GAREM1: variants seen among roughly 807,000 people sequenced by gnomAD.
The protein encoded by GAREM1 is GRB2 associated regulator of MAPK1 subtype 1.
In GAREM1, 26 loss-of-function variants were observed where a neutral mutation model predicts 71.3. That is an observed-to-expected ratio of 0.36 (90% CI 0.27 to 0.51). The LOEUF (loss-of-function observed/expected upper bound fraction) is 0.51. GAREM1 is among the 20% of genes least tolerant of loss of function. The pLI, the probability that GAREM1 is intolerant of heterozygous loss-of-function variation, is 0.95. For missense variants in GAREM1, 1,026 were observed against 1,103.1 expected (o/e 0.93, Z 0.99); for synonymous variants, 440 against 433.2 (o/e 1.02, Z -0.20).
chr18:32,437,907 G>A (rs2048694523), intron 1 of GAREM1, among the ~76,000 whole-genome samples: 1 of 152,132 alleles, frequency 6.6e-6, no homozygotes, highest in African/African-American at 2.4e-5. Context: ...TTACCTTTAA[G>A]CAGCATTTTT....
intron 2 of GAREM1, among the ~76,000 whole-genome samples, chr18:32,347,705 A>G (rs1364570819): frequency 1.3e-5 from 2 of 152,246 alleles, no homozygotes; most frequent in Non-Finnish European, 2.9e-5. Flanking sequence ...TTAACAAAAC[A>G]TTTACTTATT....
chr18:32,377,116 C>G (rs1426214171), intron 2 of GAREM1, among the ~76,000 whole-genome samples: 3 of 152,208 alleles, frequency 2.0e-5, no homozygotes, highest in Middle Eastern at 3.4e-3. Flanking sequence ...AAGGAGTTGA[C>G]CAGGACAATG....
intron 1 of GAREM1, 88 bp from the exon 2 acceptor site, chr18:32,393,123 G>A: frequency 4.0e-6 from 5 of 1,254,228 alleles, no homozygotes; most frequent in Non-Finnish European, 5.5e-6. Flanking sequence ...GTTAAAACTT[G>A]ACTAATGCAG....
rs769164552 is a variant in GAREM1, at chr18:32,287,758, G to C, written c.839C>G (p.Thr280Arg). The change falls in exon 4 of 6, where the codon ACG (threonine) becomes AGG (arginine). Residue 280 changes from threonine (T) to arginine (R), a missense_variant. By Grantham distance (71) the Thr-to-Arg change is moderately conservative (BLOSUM62 -1). Coordinates refer to ENST00000269209, the MANE Select transcript of GAREM1 (RefSeq NM_001242409.2). The surrounding 1 kb of genome is among the most constrained non-coding windows in gnomAD (Gnocchi z 5.9). ...CCGCAGCACACAGCAAACCACCACCGTCTTGGTCTGGATGTTCACAAACTT... is the reference window on the plus strand; with the variant it reads ...CCGCAGCACACAGCAAACCACCACCCTCTTGGTCTGGATGTTCACAAACTT... ...RYKFVNIQTK[T>R]VVVCCVLRNN... 5.0e-6 allele frequency: 8 copies of C among 1,613,788 alleles called. No individual in the cohort carries two copies. In the Admixed American group the frequency reaches 1.2e-4, roughly 24 times the overall value.
intron 2 of GAREM1, among the ~76,000 whole-genome samples, chr18:32,310,835 C>G (rs1282960118): frequency 6.6e-6 from 1 of 151,782 alleles, no homozygotes; most frequent in South Asian, 2.1e-4. Flanking sequence ...AACTCATATT[C>G]CTGGTTAGAA....
At chr18:32,278,060 C>T (rs1254592717) in intron 4 of GAREM1, among the ~76,000 whole-genome samples, 1 of 152,202 alleles carries the variant, frequency 6.6e-6, no homozygotes, top group Non-Finnish European at 1.5e-5. Context: ...TTCACAACTT[C>T]TGACTCCTCT....
intron 1 of GAREM1, among the ~76,000 whole-genome samples, chr18:32,468,529 G>A (rs2049018829): frequency 1.3e-5 from 2 of 152,196 alleles, no homozygotes; most frequent in South Asian, 4.1e-4. Context: ...CAGCTTGAAA[G>A]GACACAGTGT....
chr18:32,386,061 T>C (rs2048144589), intron 2 of GAREM1, among the ~76,000 whole-genome samples: 1 of 152,208 alleles, frequency 6.6e-6, no homozygotes, highest in African/African-American at 2.4e-5. Flanking sequence ...CTGAGATAAA[T>C]GTTCCTCAGC....
chr18:32,288,277 C>T, intron 3 of GAREM1, 74 bp from the exon 4 acceptor site: 2 of 1,120,942 alleles, frequency 1.8e-6, no homozygotes, highest in Non-Finnish European at 1.3e-6. Flanking sequence ...TATTAAGACA[C>T]ACACAAATAC....
intron 1 of GAREM1, among the ~76,000 whole-genome samples, chr18:32,423,344 ATTAGTTTACACTATGTT>A (rs1285058368): frequency 6.6e-6 from 1 of 152,114 alleles, no homozygotes; most frequent in Non-Finnish European, 1.5e-5. Flanking sequence ...TGAAATAGGT[ATTAGTTTACACTATGTT>A]TTAGTTTACA....
chr18:32,316,181 A>T (rs1411519261), intron 2 of GAREM1, among the ~76,000 whole-genome samples: 1 of 152,234 alleles, frequency 6.6e-6, no homozygotes, highest in Non-Finnish European at 1.5e-5. Context: ...TAACACACAC[A>T]GATAAGAGAA....
chr18:32,263,859 A>C lies in GAREM1; in HGVS notation c.*4012T>G, dbSNP rs1355282382. 6.6e-6 allele frequency: 1 copy of C among 152,244 alleles called. No individual in the cohort carries two copies. The highest frequency in any genetic ancestry group is 1.9e-4 in the East Asian group (1 of 5,204). The allele number at this position is 152,244 out of a possible 1,614,324, so 9.4% of individuals were successfully genotyped here. On this transcript the variant is annotated 3_prime_UTR_variant, in exon 6 of 6. Transcript: ENST00000269209. ...GGGAGAAAAGGTTTATAGCTAAGAA[A>C]TTATCTGAGCCCTACTACATGAGAT...
intron 1 of GAREM1, among the ~76,000 whole-genome samples, chr18:32,431,919 G>C (rs1337693866): frequency 6.6e-6 from 1 of 152,046 alleles, no homozygotes; most frequent in Non-Finnish European, 1.5e-5. Flanking sequence ...CATTTTTCAA[G>C]TCCTAAAAGA....
At chr18:32,316,870 A>G (rs2047382557) in intron 2 of GAREM1, among the ~76,000 whole-genome samples, 1 of 152,216 alleles carries the variant, frequency 6.6e-6, no homozygotes, top group Non-Finnish European at 1.5e-5. Flanking sequence ...TTCCTATTGC[A>G]GGAGTTGGCA....
At chr18:32,418,791 T>G (rs912412465) in intron 1 of GAREM1, among the ~76,000 whole-genome samples, 1 of 152,134 alleles carries the variant, frequency 6.6e-6, no homozygotes, top group African/African-American at 2.4e-5. Flanking sequence ...GAAAACATAT[T>G]GTAAGCTTGA....
chr18:32,356,946 T>C (rs1030997633), intron 2 of GAREM1, among the ~76,000 whole-genome samples: 2 of 152,180 alleles, frequency 1.3e-5, no homozygotes, highest in African/African-American at 4.8e-5. Context: ...AATTTTAAAA[T>C]GAAAATCCCT....
intron 1 of GAREM1, among the ~76,000 whole-genome samples, chr18:32,446,557 T>C (rs1162912366): frequency 6.6e-6 from 1 of 152,176 alleles, no homozygotes; most frequent in Non-Finnish European, 1.5e-5. Flanking sequence ...AGTTTATTAA[T>C]TTCCCAAGTT....
At chr18:32,413,217 C>T (rs11873369) in intron 1 of GAREM1, 123,296 of 1,599,622 alleles carry the variant, frequency 0.077, 4,842 homozygotes, top group Non-Finnish European at 0.086. Flanking sequence ...GCTTCTTCGG[C>T]GGCGTCCACG....
intron 2 of GAREM1, among the ~76,000 whole-genome samples, chr18:32,352,527 A>T (rs889798919): frequency 3.8e-4 from 58 of 152,296 alleles, no homozygotes; most frequent in Non-Finnish European, 1.2e-4. Flanking sequence ...GGACAGAGCC[A>T]AGGGCTTGGG....
Sources: allele counts gnomAD v4.1 joint callset (sites outside exome capture counted in the v4.1 genomes callset), GRCh38; gene constraint gnomAD v4.1.1; non-coding constraint Gnocchi (gnomAD v3.1); transcripts MANE v1.5; gene names NCBI Gene and HGNC (gene_info 2026-07-23, HGNC 2026-07-21).